The following SGPL1 variants were observed in gnomAD, a reference collection of about 807,000 sequenced individuals.
SGPL1 encodes the protein sphingosine-1-phosphate lyase 1.
Under a neutral mutation model 68.9 loss-of-function variants are expected in SGPL1, and 37 were observed. The observed-to-expected ratio is 0.54, with a 90% confidence interval of 0.41 to 0.71. The LOEUF is 0.71. SGPL1 is among the 30% of genes least tolerant of loss of function. The probability of loss-of-function intolerance (pLI) is 0.00; values close to 1 mark genes in which losing one functional copy is unlikely to be tolerated. For missense variants in SGPL1, 551 were observed against 704.6 expected (o/e 0.78, Z 2.47); for synonymous variants, 236 against 248.5 (o/e 0.95, Z 0.47).
intron 10 of SGPL1, among the ~76,000 whole-genome samples, chr10:70,871,480 G>A (rs852121): frequency 0.62 from 94,805 of 152,076 alleles, 29,717 homozygotes; most frequent in African/African-American, 0.65. Flanking sequence ...GCCCCTCAGC[G>A]CCTCCCTTTC....
chr10:70,849,774 C>T (rs1329371709), intron 3 of SGPL1, among the ~76,000 whole-genome samples: 1 of 152,200 alleles, frequency 6.6e-6, no homozygotes, highest in Non-Finnish European at 1.5e-5. Flanking sequence ...TCAGTTCACA[C>T]CTTGGATAAA....
At chr10:70,839,021 T>C (rs1285179313) in intron 2 of SGPL1, among the ~76,000 whole-genome samples, 2 of 152,168 alleles carry the variant, frequency 1.3e-5, no homozygotes, top group Admixed American at 6.5e-5. Flanking sequence ...CATGAAAAGG[T>C]CTTGCATCCT....
intron 2 of SGPL1, among the ~76,000 whole-genome samples, chr10:70,822,026 C>G (rs541130513): frequency 1.3e-5 from 2 of 152,172 alleles, no homozygotes; most frequent in African/African-American, 2.4e-5. Context: ...TTGAATCTTT[C>G]CAGGTCCTTG....
chr10:70,868,265 C>A, intron 7 of SGPL1, 80 bp from the exon 8 acceptor site: 1 of 972,000 alleles, frequency 1.0e-6, no homozygotes, highest in Non-Finnish European at 1.6e-6. Context: ...GTTTCTGTAT[C>A]AAACATTGTC....
At position 70,877,868 on chromosome 10, in the gene SGPL1, G is replaced by A. The variant is rs1205507791; in HGVS notation, c.*533G>A. 2 of 136,472 alleles carry A rather than the reference G, an allele frequency of 1.5e-5. No individual in the cohort carries two copies. The highest frequency in any genetic ancestry group is 5.5e-5 in the African/African-American group (2 of 36,198). 8.5% of individuals were successfully genotyped at this position (136,472 alleles called of 1,614,324 possible). ...TTTGCTCTTTTGCCCAGTCTGGAGT[G>A]CAGTGGCATGATCTCAGCTCACTGC... On this transcript the variant is annotated 3_prime_UTR_variant, in exon 15 of 15. Transcript: ENST00000373202.
Position 70,869,685 on chromosome 10 carries a change from G to T in SGPL1, c.705-107G>T, listed in dbSNP as rs199704045. The stretch of plus-strand genomic sequence containing the variant: ...GTCTAAACACTTAAATTTTTAATTT[G>T]GGGAAAAATAATCAGAACTTACTCC... On this transcript the variant is annotated intron_variant, in intron 8 of 14. Coordinates refer to ENST00000373202, the MANE Select transcript of SGPL1 (RefSeq NM_003901.4). The T allele has an allele frequency of 1.8e-4, 151 of 837,540 alleles. No individual in the cohort carries two copies. In the East Asian group the frequency reaches 3.8e-3, roughly 21 times the overall value. The allele number at this position is 837,540 out of a possible 1,614,324, so 51.9% of individuals were successfully genotyped here.
At chr10:70,837,588 AT>A (rs1471916804) in intron 2 of SGPL1, among the ~76,000 whole-genome samples, 2 of 152,170 alleles carry the variant, frequency 1.3e-5, no homozygotes, top group Non-Finnish European at 2.9e-5. Flanking sequence ...TCCAAAAATA[AT>A]TGTTGAATGA....
At chr10:70,823,563 GAA>G (rs139852875) in intron 2 of SGPL1, among the ~76,000 whole-genome samples, 11,394 of 83,944 alleles carry the variant, frequency 0.14, 471 homozygotes, top group African/African-American at 0.16. Flanking sequence ...ACTTTATATT[GAA>G]AAAAAAAAAA....
At chr10:70,844,392 T>A (rs1845759328) in intron 2 of SGPL1, 81 bp from the exon 3 acceptor site, 1 of 1,296,400 alleles carries the variant, frequency 7.7e-7, no homozygotes, top group Non-Finnish European at 1.1e-6. Flanking sequence ...CCTTGAAAAA[T>A]GAGAGTTGAA....
chr10:70,824,107 A>G (rs1186132256), intron 2 of SGPL1, among the ~76,000 whole-genome samples: 2 of 152,248 alleles, frequency 1.3e-5, no homozygotes, highest in African/African-American at 4.8e-5. Flanking sequence ...TCAAAAGACC[A>G]TAATCATCGA....
At chr10:70,862,366 T>G (rs1025946988) in intron 7 of SGPL1, among the ~76,000 whole-genome samples, 7 of 152,098 alleles carry the variant, frequency 4.6e-5, no homozygotes, top group African/African-American at 1.4e-4. Flanking sequence ...AACCTTTGTG[T>G]CTAGCTCAGG....
At chr10:70,843,082 T>C (rs1434008963) in intron 2 of SGPL1, among the ~76,000 whole-genome samples, 1 of 152,248 alleles carries the variant, frequency 6.6e-6, no homozygotes, top group East Asian at 1.9e-4. Flanking sequence ...TTTTAACTTT[T>C]CTACCTAGAG....
chr10:70,854,782 T>C lies in SGPL1; in HGVS notation c.336T>C (p.Tyr112=), dbSNP rs535540548. The change falls in exon 5 of 15, where the codon TAT becomes TAC. Residue 112 remains tyrosine (Y), a synonymous_variant. Coordinates refer to ENST00000373202, the MANE Select transcript of SGPL1 (RefSeq NM_003901.4). ...NMSFLKVDKE[Y]VKALPSQGLS... ...CATTCCTGAAAGTGGACAAAGAGTA[T>C]GTGAAAGCTTTACCCTCCCAGGGTC... is the stretch of plus-strand genomic sequence containing the variant. The C allele has an allele frequency of 1.2e-6, 2 of 1,614,046 alleles. No individual in the cohort carries two copies. Among genetic ancestry groups the C allele is most frequent in the South Asian group, 2.2e-5 (2 of 91,054 alleles).
chr10:70,879,729 C>T lies in SGPL1; in HGVS notation c.*2394C>T, dbSNP rs1846467725. ...GTTTTTCAAAGGGACCTACTGTAGC[C>T]ACTTTAATTTACAATTAAGAGCCTT... On this transcript the variant is annotated 3_prime_UTR_variant, in exon 15 of 15. Transcript: ENST00000373202. 6.6e-6 allele frequency: 1 copy of T among 152,570 alleles called. No individual in the cohort carries two copies. The highest frequency in any genetic ancestry group is 2.1e-4 in the South Asian group (1 of 4,832). The allele number at this position is 152,570 out of a possible 1,614,324, so 9.5% of individuals were successfully genotyped here.
chr10:70,827,511 A>T (rs1202938769), intron 2 of SGPL1, among the ~76,000 whole-genome samples: 1 of 152,214 alleles, frequency 6.6e-6, no homozygotes, highest in Non-Finnish European at 1.5e-5. Flanking sequence ...GCTTTTTGTC[A>T]TGAAATAGGA....
At chr10:70,857,451 CTA>C (rs1366070145) in intron 5 of SGPL1, 161 bp from the exon 6 acceptor site, 9 of 587,228 alleles carry the variant, frequency 1.5e-5, no homozygotes, top group African/African-American at 1.1e-4. Context: ...TGTGCTAACT[CTA>C]TTGAACTTTT....
intron 7 of SGPL1, among the ~76,000 whole-genome samples, chr10:70,862,801 G>T (rs1272643924): frequency 6.6e-6 from 1 of 152,056 alleles, no homozygotes; most frequent in African/African-American, 2.4e-5. Flanking sequence ...ACATCAGAAG[G>T]AACAAACTCC....
At chr10:70,856,711 G>C (rs1845969755) in intron 5 of SGPL1, among the ~76,000 whole-genome samples, 1 of 152,198 alleles carries the variant, frequency 6.6e-6, no homozygotes, top group Non-Finnish European at 1.5e-5. Flanking sequence ...CTGTTCTCAA[G>C]AGCTGAAGAT....
chr10:70,831,819 T>C (rs939993667), intron 2 of SGPL1, among the ~76,000 whole-genome samples: 96 of 152,196 alleles, frequency 6.3e-4, no homozygotes, highest in African/African-American at 2.2e-3. Context: ...CAGCAAGGCC[T>C]GTCTGTTCAG....
Sources: gnomAD v4.1 joint callset for allele counts (sites outside exome capture counted in the v4.1 genomes callset) on GRCh38, gnomAD v4.1.1 for gene constraint, MANE v1.5 for transcripts, NCBI Gene and HGNC (gene_info 2026-07-23, HGNC 2026-07-21) for gene names.